The following CNTNAP2 variants were observed in gnomAD, a reference collection of about 807,000 sequenced individuals.
The protein encoded by CNTNAP2 is contactin-associated protein-like 2.
CNTNAP2 carries 98 observed loss-of-function variants against 155.2 expected under a neutral mutation model. The ratio of observed to expected loss-of-function variants is 0.63; its 90% CI spans 0.54 to 0.75. The LOEUF (loss-of-function observed/expected upper bound fraction) is 0.75. Ranked by LOEUF, CNTNAP2 falls within the 30% of genes least tolerant of loss-of-function variation. The probability of loss-of-function intolerance (pLI) is 0.00; values close to 1 mark genes in which losing one functional copy is unlikely to be tolerated. For synonymous variants in CNTNAP2, 651 were observed against 631.2 expected (o/e 1.03, Z -0.47); for missense variants, 1,727 against 1,688.1 (o/e 1.02, Z -0.40).
chr7:147,404,526 C>T (rs1563191784), intron 10 of CNTNAP2, among the ~76,000 whole-genome samples: 1 of 152,140 alleles, frequency 6.6e-6, no homozygotes, highest in African/African-American at 2.4e-5. Context: ...TGTTGCAAAT[C>T]GCTATGCTCT....
intron 3 of CNTNAP2, among the ~76,000 whole-genome samples, chr7:146,882,480 C>T (rs1795571876): frequency 6.6e-6 from 1 of 151,998 alleles, no homozygotes. Flanking sequence ...GTTCTCACGA[C>T]ATCTGATGGT....
At chr7:147,045,878 A>G (rs1027340816) in intron 4 of CNTNAP2, among the ~76,000 whole-genome samples, 11 of 147,348 alleles carry the variant, frequency 7.5e-5, no homozygotes, top group African/African-American at 1.3e-4. Context: ...ATATACGTGC[A>G]TATATATATA....
chr7:147,234,038 A>T (rs1264148274), intron 8 of CNTNAP2, among the ~76,000 whole-genome samples: 4 of 27,550 alleles, frequency 1.5e-4, no homozygotes, highest in East Asian at 3.4e-4. Flanking sequence ...TATCCACAGT[A>T]AAAAAAAAAA....
chr7:147,234,978 A>C (rs1034513695), intron 8 of CNTNAP2, among the ~76,000 whole-genome samples: 14 of 152,260 alleles, frequency 9.2e-5, no homozygotes, highest in African/African-American at 3.4e-4. Context: ...GCTAGGACAC[A>C]GGGTGCCCAG....
At chr7:148,207,333 C>T (rs1263978835) in intron 18 of CNTNAP2, among the ~76,000 whole-genome samples, 1 of 152,246 alleles carries the variant, frequency 6.6e-6, no homozygotes, top group Middle Eastern at 3.4e-3. Context: ...GCCTCTTAGG[C>T]TGGCTGGAGC....
chr7:147,060,838 TG>T (rs369406962), intron 4 of CNTNAP2, among the ~76,000 whole-genome samples: 8,076 of 150,716 alleles, frequency 0.054, 198 homozygotes, highest in African/African-American at 0.16. Flanking sequence ...CACTCCAGCC[TG>T]GGGGACAGAG....
intron 13 of CNTNAP2, among the ~76,000 whole-genome samples, chr7:147,776,265 G>GT (rs374384682): frequency 0.15 from 19,918 of 135,236 alleles, 2,390 homozygotes; most frequent in African/African-American, 0.34. Flanking sequence ...CAATGGCTGG[G>GT]TTTTTTTTTT....
At chr7:147,923,524 A>AT (rs1800323154) in intron 14 of CNTNAP2, among the ~76,000 whole-genome samples, 1 of 151,946 alleles carries the variant, frequency 6.6e-6, no homozygotes, top group South Asian at 2.1e-4. Flanking sequence ...ATTTTTAAAA[A>AT]TTTTTTAGAG....
In CNTNAP2 at chr7:147,317,774, A is replaced by ATG. The variant is rs1338098691; in HGVS notation, c.1498+17485_1498+17486insGT. On this transcript the variant is annotated intron_variant, in intron 9 of 23. Coordinates refer to ENST00000361727, the MANE Select transcript of CNTNAP2 (RefSeq NM_014141.6). ...CTTCAAAAAAAGGATATATATATAT[A>ATG]TATGTGTGTGTGTGTGTGTGTGTGT... Among the ~76,000 whole-genome samples, 780 of 102,476 alleles carry ATG rather than the reference A, an allele frequency of 7.6e-3. 2 individuals are homozygous for ATG. Among genetic ancestry groups the ATG allele is most frequent in the African/African-American group, 0.024 (540 of 22,170 alleles). 67.2% of individuals were successfully genotyped at this position (102,476 alleles called of 152,430 possible).
intron 21 of CNTNAP2, among the ~76,000 whole-genome samples, chr7:148,330,595 GATGAAGTGGACGGATGGAATGGACAC>G (rs1234486463): frequency 0.056 from 8,413 of 149,706 alleles, 703 homozygotes; most frequent in East Asian, 0.39. Context: ...GGAGTGGACG[GATGAAGTGGACGGATGGAATGGACAC>G]ATGGAGTGGA....
At chr7:147,310,930 G>A (rs1348077280) in intron 9 of CNTNAP2, among the ~76,000 whole-genome samples, 2 of 152,246 alleles carry the variant, frequency 1.3e-5, no homozygotes, top group East Asian at 3.9e-4. Context: ...TTACTACAAA[G>A]AAACAATCCA....
At chr7:146,299,318 T>C (rs1321038157) in intron 1 of CNTNAP2, among the ~76,000 whole-genome samples, 2 of 152,124 alleles carry the variant, frequency 1.3e-5, no homozygotes, top group Non-Finnish European at 2.9e-5. Flanking sequence ...ACAGTGTTCT[T>C]AGCAAATTCC....
At chr7:146,373,062 A>G (rs547583057) in intron 1 of CNTNAP2, among the ~76,000 whole-genome samples, 1 of 152,342 alleles carries the variant, frequency 6.6e-6, no homozygotes, top group South Asian at 2.1e-4. Context: ...GAAAGTCAGC[A>G]TGCTGAATGG....
intron 14 of CNTNAP2, among the ~76,000 whole-genome samples, chr7:147,919,483 G>T (rs1360123137): frequency 1.3e-4 from 2 of 15,012 alleles, no homozygotes; most frequent in African/African-American, 3.4e-4. Context: ...TTTTGAGACA[G>T]AGTCTTGCTC....
At chr7:147,462,480 C>T (rs1798041839) in intron 10 of CNTNAP2, among the ~76,000 whole-genome samples, 3 of 152,176 alleles carry the variant, frequency 2.0e-5, no homozygotes, top group Admixed American at 2.0e-4. Flanking sequence ...AGCCAATTTA[C>T]TTATACAGTC....
intron 14 of CNTNAP2, among the ~76,000 whole-genome samples, chr7:147,905,625 A>G (rs906666059): frequency 1.2e-4 from 18 of 152,214 alleles, no homozygotes; most frequent in Non-Finnish European, 2.1e-4. Context: ...GCTCACGCCT[A>G]TAATCCCAGC....
At chr7:146,930,634 G>A (rs936237641) in intron 3 of CNTNAP2, among the ~76,000 whole-genome samples, 5 of 152,158 alleles carry the variant, frequency 3.3e-5, no homozygotes, top group Non-Finnish European at 5.9e-5. Flanking sequence ...AAAAGACACA[G>A]ACTGGCAAAT....
chr7:147,447,518 C>T (rs1296410936), intron 10 of CNTNAP2, among the ~76,000 whole-genome samples: 6 of 152,238 alleles, frequency 3.9e-5, no homozygotes, highest in Admixed American at 1.3e-4. Context: ...TGGGTTCAAG[C>T]AATTCTCCTG....
intron 18 of CNTNAP2, among the ~76,000 whole-genome samples, chr7:148,201,866 A>C (rs1401637323): frequency 6.6e-6 from 1 of 152,048 alleles, no homozygotes; most frequent in Non-Finnish European, 1.5e-5. Flanking sequence ...ACTTTCACAC[A>C]CTATGGAACA....
Sources: gnomAD v4.1 joint callset for allele counts (sites outside exome capture counted in the v4.1 genomes callset) on GRCh38, gnomAD v4.1.1 for gene constraint, MANE v1.5 for transcripts, NCBI Gene and HGNC (gene_info 2026-07-23, HGNC 2026-07-21) for gene names.